The following FBXL17 variants were observed in gnomAD, a reference collection of about 807,000 sequenced individuals.
FBXL17 encodes the protein F-box/LRR-repeat protein 17.
In FBXL17, 22 loss-of-function variants were observed where a neutral mutation model predicts 66.2. That is an observed-to-expected ratio of 0.33 (90% CI 0.24 to 0.47). The LOEUF is 0.47. Ranked by LOEUF, FBXL17 falls within the 20% of genes least tolerant of loss-of-function variation. The pLI is 1.00. For synonymous variants in FBXL17, 474 were observed against 400.5 expected, an observed-to-expected ratio of 1.18 and a Z score of -2.19; for missense variants, 878 against 948.2, an observed-to-expected ratio of 0.93 and a Z score of 0.97.
intron 6 of FBXL17, among the ~76,000 whole-genome samples, chr5:108,151,390 C>T (rs1204376878): frequency 2.6e-5 from 4 of 152,188 alleles, no homozygotes; most frequent in African/African-American, 9.6e-5. Context: ...GTCAATCAAA[C>T]TCCTAACTTG....
intron 7 of FBXL17, among the ~76,000 whole-genome samples, chr5:107,905,408 G>A (rs1041105305): frequency 6.6e-6 from 1 of 151,992 alleles, no homozygotes; most frequent in Non-Finnish European, 1.5e-5. Context: ...CTTTTGCTTT[G>A]ATTTCTCATA....
At chr5:108,237,979 C>T (rs555441608) in intron 4 of FBXL17, among the ~76,000 whole-genome samples, 1 of 152,312 alleles carries the variant, frequency 6.6e-6, no homozygotes, top group African/African-American at 2.4e-5. Context: ...CATTTGTTTA[C>T]TCAACTCTTC....
At chr5:108,010,240 A>G (rs1239338049) in intron 7 of FBXL17, among the ~76,000 whole-genome samples, 2 of 152,218 alleles carry the variant, frequency 1.3e-5, no homozygotes, top group Non-Finnish European at 2.9e-5. Flanking sequence ...CAAGAGGTCC[A>G]TTTTCAATAC....
chr5:107,902,194 T>C (rs570125738), intron 7 of FBXL17, among the ~76,000 whole-genome samples: 64 of 152,228 alleles, frequency 4.2e-4, no homozygotes, highest in Non-Finnish European at 8.4e-4. Flanking sequence ...TTCTCTCTCT[T>C]CCCTTGTTTT....
intron 7 of FBXL17, among the ~76,000 whole-genome samples, chr5:107,939,756 T>A (rs985178727): frequency 1.3e-5 from 2 of 152,138 alleles, no homozygotes; most frequent in Admixed American, 1.3e-4. Flanking sequence ...AAAGACAGAA[T>A]CCTCTCTCTG....
In FBXL17 at chr5:108,127,975, G is replaced by C. The variant is rs369855429; in HGVS notation, c.1745+58142C>G. 3.2e-4 allele frequency among the ~76,000 whole-genome samples: 48 copies of C among 152,220 alleles called. 1 individual carries two copies. The South Asian group carries it at 9.8e-3, about 31-fold the overall frequency. ...TATTAAGAATCTCTCACTGGGTGCAGTGCCTCATGTCTATAATCCTAGCAC... is the reference window on the plus strand; with the variant it reads ...TATTAAGAATCTCTCACTGGGTGCACTGCCTCATGTCTATAATCCTAGCAC... On this transcript the variant is annotated intron_variant, in intron 6 of 8. Transcript: ENST00000542267.
intron 7 of FBXL17, among the ~76,000 whole-genome samples, chr5:107,905,535 C>T (rs563737378): frequency 1.3e-5 from 2 of 152,218 alleles, no homozygotes; most frequent in South Asian, 4.1e-4. Flanking sequence ...ATAACATATA[C>T]TGAGTATATA....
chr5:108,078,423 C>T (rs1748635912), intron 6 of FBXL17, among the ~76,000 whole-genome samples: 1 of 152,072 alleles, frequency 6.6e-6, no homozygotes, highest in South Asian at 2.1e-4. Context: ...TATTTTACTC[C>T]AAAATATATT....
At chr5:107,995,309 A>G (rs1490764991) in intron 7 of FBXL17, among the ~76,000 whole-genome samples, 1 of 152,232 alleles carries the variant, frequency 6.6e-6, no homozygotes, top group South Asian at 2.1e-4. Context: ...ACTATTTCCT[A>G]TTTAACCTGA....
rs576426100 is a variant in FBXL17 at position 107,922,774 on chromosome 5, AAT to A, written c.1823-41597_1823-41596del. ...TATAACAGGCAGAAACCTAACTTTC[AAT>A]CTCAATTACCCAAAAGGCACAGGGT... On this transcript the variant is annotated intron_variant, in intron 7 of 8. Coordinates refer to ENST00000542267, the MANE Select transcript of FBXL17 (RefSeq NM_001163315.3). 1.2e-3 allele frequency among the ~76,000 whole-genome samples: 189 copies of A among 152,360 alleles called. 2 individuals carry two copies. The highest frequency in any genetic ancestry group is 1.5e-3 in the Non-Finnish European group (102 of 68,034).
In FBXL17 at chr5:108,182,363, T is replaced by C. The variant is rs144229904; in HGVS notation, c.1745+3754A>G. On this transcript the variant is annotated intron_variant, in intron 6 of 8. Coordinates refer to ENST00000542267, the MANE Select transcript of FBXL17 (RefSeq NM_001163315.3). ...TATAATTAAGTCTGATGGGAAGTTC[T>C]AGATTTATACCAATATAACTACAAA... Among the ~76,000 whole-genome samples, 1,217 of 152,302 alleles carry C rather than the reference T, an allele frequency of 8.0e-3. 10 individuals are homozygous for C. Among genetic ancestry groups the C allele is most frequent in the Non-Finnish European group, 0.013 (851 of 68,024 alleles).
intron 7 of FBXL17, among the ~76,000 whole-genome samples, chr5:107,977,983 C>G (rs1037756685): frequency 1.3e-5 from 2 of 152,144 alleles, no homozygotes; most frequent in African/African-American, 2.4e-5. Context: ...AGGCCATGAT[C>G]TCTAACTTTA....
At chr5:108,373,370 A>AAATAT (rs35381583) in intron 1 of FBXL17, among the ~76,000 whole-genome samples, 103,503 of 132,690 alleles carry the variant, frequency 0.78, 41,067 homozygotes, top group Admixed American at 0.87. Flanking sequence ...ATATTAATAT[A>AAATAT]AATATATATC....
chr5:107,908,324 C>T (rs1315617690), intron 7 of FBXL17, among the ~76,000 whole-genome samples: 2 of 152,158 alleles, frequency 1.3e-5, no homozygotes, highest in African/African-American at 2.4e-5. Flanking sequence ...TACTGTCTCT[C>T]ACATGCAGAG....
intron 4 of FBXL17, among the ~76,000 whole-genome samples, chr5:108,225,636 T>C (rs764675495): frequency 2.6e-5 from 4 of 152,188 alleles, no homozygotes; most frequent in Non-Finnish European, 5.9e-5. Flanking sequence ...TGCCAACACT[T>C]TGATCTTGGA....
chr5:108,013,550 T>G (rs1318112991), intron 7 of FBXL17, among the ~76,000 whole-genome samples: 2 of 152,172 alleles, frequency 1.3e-5, no homozygotes, highest in African/African-American at 4.8e-5. Context: ...TCTATGATGA[T>G]TCTGTCCTCT....
intron 6 of FBXL17, among the ~76,000 whole-genome samples, chr5:108,167,127 T>A (rs1752443071): frequency 6.6e-6 from 1 of 151,444 alleles, no homozygotes; most frequent in Admixed American, 6.6e-5. Context: ...TGAAAACAGA[T>A]AGTATAATGA....
At chr5:107,935,700 A>G (rs1348219198) in intron 7 of FBXL17, among the ~76,000 whole-genome samples, 1 of 152,074 alleles carries the variant, frequency 6.6e-6, no homozygotes, top group Non-Finnish European at 1.5e-5. Context: ...ATAAAGGGCC[A>G]TTTTCCAATT....
intron 6 of FBXL17, among the ~76,000 whole-genome samples, chr5:108,060,372 G>T (rs1158637439): frequency 6.6e-6 from 1 of 152,098 alleles, no homozygotes; most frequent in Non-Finnish European, 1.5e-5. Context: ...CCATCCCTCT[G>T]CTGTTCAGCC....
Sources: allele counts gnomAD v4.1 joint callset (sites outside exome capture counted in the v4.1 genomes callset), GRCh38; gene constraint gnomAD v4.1.1; transcripts MANE v1.5; gene names NCBI Gene and HGNC (gene_info 2026-07-23, HGNC 2026-07-21).